Variants in TP53BP2 observed in about 807,000 individuals in gnomAD.
The protein encoded by TP53BP2 is apoptosis-stimulating of p53 protein 2.
A neutral mutation model predicts 126.2 loss-of-function variants in TP53BP2; 62 were observed. The observed-to-expected ratio is 0.49, with a 90% CI of 0.40 to 0.61. The LOEUF is 0.61. TP53BP2 is among the 20% of genes least tolerant of loss of function. The pLI, the probability that TP53BP2 is intolerant of heterozygous loss-of-function variation, is 0.00. For synonymous variants in TP53BP2, 485 were observed against 502.9 expected (o/e 0.96, Z 0.48); for missense variants, 1,215 against 1,402.8 (o/e 0.87, Z 2.14).
intron 7 of TP53BP2, 148 bp downstream of exon 7, chr1:223,803,123 C>T: frequency 9.5e-7 from 1 of 1,049,310 alleles, no homozygotes; most frequent in Middle Eastern, 3.2e-4. Flanking sequence ...AAAGTTTACT[C>T]TGGATTCTCT....
Position 223,845,712 on chromosome 1 carries a change from G to T in TP53BP2, c.-32C>A. The T allele has an allele frequency of 6.6e-7, 1 of 1,524,490 alleles. No homozygotes were observed. 94.4% of individuals were successfully genotyped at this position (1,524,490 alleles called of 1,614,324 possible). On this transcript the variant is annotated 5_prime_UTR_variant, in exon 1 of 18. Coordinates refer to ENST00000343537, the MANE Select transcript of TP53BP2 (RefSeq NM_001031685.3). ...GGGTGGCCAGACTGCGGCCCCGGCCGAGCTGAGGTGCCCCGGAGGGTCGCG... is the reference window on the plus strand; with the variant it reads ...GGGTGGCCAGACTGCGGCCCCGGCCTAGCTGAGGTGCCCCGGAGGGTCGCG...
chr1:223,821,776 G>A (rs143388663), intron 1 of TP53BP2, among the ~76,000 whole-genome samples: 11 of 152,276 alleles, frequency 7.2e-5, no homozygotes, highest in African/African-American at 1.4e-4. Flanking sequence ...GGAAGGACAC[G>A]TAAGAATGTA....
At chr1:223,781,837 A>C (rs749589181) in intron 17 of TP53BP2, among the ~76,000 whole-genome samples, 7 of 152,184 alleles carry the variant, frequency 4.6e-5, no homozygotes, top group African/African-American at 7.2e-5. Flanking sequence ...AAACCAAAAA[A>C]GTGGTGTAGA....
At position 223,802,260 on chromosome 1, in the gene TP53BP2, T is replaced by TAGAC; in HGVS notation, c.1077_1080dup (p.Thr361ValfsTer11). On this transcript the variant is annotated frameshift_variant, in exon 9 of 18. Coordinates refer to ENST00000343537, the MANE Select transcript of TP53BP2 (RefSeq NM_001031685.3). LOFTEE classifies it high-confidence loss of function. ...GGCCTTGAGGGCATCCGAGGCATAG[T>TAGAC]AGACGACTGGATATAGGGACCTACT... 6.2e-7 allele frequency: 1 copy of TAGAC among 1,614,220 alleles called. No homozygotes were observed. Among genetic ancestry groups the TAGAC allele is most frequent in the Non-Finnish European group, 8.5e-7 (1 of 1,180,040 alleles).
intron 1 of TP53BP2, among the ~76,000 whole-genome samples, chr1:223,829,858 A>G (rs1663636961): frequency 6.6e-6 from 1 of 152,076 alleles, no homozygotes; most frequent in African/African-American, 2.4e-5. Flanking sequence ...TTTCTTCCCC[A>G]GGTAGAAAAA....
Position 223,786,582 on chromosome 1 carries a change from G to A in TP53BP2, c.3164-2268C>T, listed in dbSNP as rs1675992. Among the ~76,000 whole-genome samples, 73 of 50,298 alleles carry A rather than the reference G, an allele frequency of 1.5e-3. 1 individual carries two copies. Among genetic ancestry groups the A allele is most frequent in the East Asian group, 6.4e-3 (11 of 1,706 alleles). 33.0% of individuals were successfully genotyped at this position (50,298 alleles called of 152,430 possible). The stretch of plus-strand genomic sequence containing the variant: ...TATATGTGTGTGTGTGCGTGTGTGC[G>A]TGTGTGTGTGTGTGTGTGTGTGTGT... On this transcript the variant is annotated intron_variant, in intron 16 of 17. Coordinates refer to ENST00000343537, the MANE Select transcript of TP53BP2 (RefSeq NM_001031685.3).
intron 5 of TP53BP2, among the ~76,000 whole-genome samples, 186 bp from the exon 6 acceptor site, chr1:223,804,534 G>A (rs374515155): frequency 4.6e-4 from 70 of 152,230 alleles, no homozygotes; most frequent in African/African-American, 1.6e-3. Context: ...AGATACTCCT[G>A]AGCCCACCCT....
intron 3 of TP53BP2, among the ~76,000 whole-genome samples, chr1:223,813,276 C>T (rs907300589): frequency 1.3e-5 from 2 of 152,152 alleles, no homozygotes; most frequent in Non-Finnish European, 1.5e-5. Context: ...CTAGCTTTCT[C>T]GTCTCCACTC....
chr1:223,792,461 G>A lies in TP53BP2; in HGVS notation c.2924C>T (p.Ala975Val). ...GAACTTAACGATTTCTGTGTGGCCT[G>A]CACACACAGCATTGTGAAGAGCCGT... ...GITALHNAVC[A>V]GHTEIVKFLV... is the part of the protein sequence containing the mutation. The change falls in exon 15 of 18, where the codon GCA becomes GTA. Residue 975 changes from alanine to valine, a missense_variant. Transcript: ENST00000343537. The A allele has an allele frequency of 6.2e-7, 1 of 1,613,928 alleles. No individual in the cohort carries two copies.
chr1:223,800,734 A>T lies in TP53BP2; in HGVS notation c.1302T>A (p.Ser434=). ...ADLFPSQGSA[S]VPQSTGNALD... Reference sequence around the variant, plus strand: ...GAGCATTCCCAGTGCTTTGAGGTACAGAAGCAGAGCCTTGGCTTGGGAAAA... The same window carrying T: ...GAGCATTCCCAGTGCTTTGAGGTACTGAAGCAGAGCCTTGGCTTGGGAAAA... The change falls in exon 10 of 18, where the codon TCT becomes TCA. Residue 434 remains serine (S), a synonymous_variant. Transcript: ENST00000343537. The T allele has an allele frequency of 6.2e-7, 1 of 1,609,416 alleles. No homozygotes were observed. The highest frequency in any genetic ancestry group is 1.3e-5 in the African/African-American group (1 of 74,620).
At chr1:223,845,249 G>T in intron 1 of TP53BP2, 1 of 985,120 alleles carries the variant, frequency 1.0e-6, no homozygotes, top group Admixed American at 6.1e-5. Flanking sequence ...TTCCAGTAAC[G>T]TATGTTTCAC....
chr1:223,844,531 T>C (rs1373548101), intron 1 of TP53BP2, among the ~76,000 whole-genome samples: 1 of 152,230 alleles, frequency 6.6e-6, no homozygotes, highest in Non-Finnish European at 1.5e-5. Flanking sequence ...AAACCTGATT[T>C]CATAACCAGG....
At chr1:223,841,305 T>A (rs1664097264) in intron 1 of TP53BP2, among the ~76,000 whole-genome samples, 1 of 150,630 alleles carries the variant, frequency 6.6e-6, no homozygotes, top group African/African-American at 2.5e-5. Context: ...AAATAGATTA[T>A]TTGTTTAACA....
chr1:223,782,160 TG>T (rs1661797646), intron 17 of TP53BP2, among the ~76,000 whole-genome samples: 1 of 152,154 alleles, frequency 6.6e-6, no homozygotes, highest in Admixed American at 6.5e-5. Flanking sequence ...ATGATGACCA[TG>T]TGAGATGATG....
intron 3 of TP53BP2, among the ~76,000 whole-genome samples, chr1:223,813,650 C>A (rs1414162922): frequency 6.6e-6 from 1 of 152,150 alleles, no homozygotes; most frequent in Non-Finnish European, 1.5e-5. Flanking sequence ...TTCTTCTCTT[C>A]TTACAACCCA....
At chr1:223,835,649 G>A (rs1199328800) in intron 1 of TP53BP2, among the ~76,000 whole-genome samples, 1 of 152,112 alleles carries the variant, frequency 6.6e-6, no homozygotes, top group Non-Finnish European at 1.5e-5. Flanking sequence ...TATGGAAGTA[G>A]AGGCAAGAAC....
At chr1:223,820,999 G>T in intron 2 of TP53BP2, 1 of 597,238 alleles carries the variant, frequency 1.7e-6, no homozygotes, top group Non-Finnish European at 2.9e-6. Flanking sequence ...ATGACCTTTT[G>T]TATTTTATAT....
chr1:223,791,776 C>G (rs1006643662), intron 15 of TP53BP2, among the ~76,000 whole-genome samples: 1 of 152,038 alleles, frequency 6.6e-6, no homozygotes, highest in Non-Finnish European at 1.5e-5. Flanking sequence ...TTAAAACTTT[C>G]TTTTTTAAAA....
At chr1:223,794,683 G>A (rs1045330956) in intron 13 of TP53BP2, among the ~76,000 whole-genome samples, 2 of 152,176 alleles carry the variant, frequency 1.3e-5, no homozygotes, top group African/African-American at 4.8e-5. Context: ...GGAATAAAAC[G>A]TCCTTCTTTT....
Sources: gnomAD v4.1 joint callset for allele counts (sites outside exome capture counted in the v4.1 genomes callset) on GRCh38, gnomAD v4.1.1 for gene constraint, MANE v1.5 for transcripts, NCBI Gene and HGNC (gene_info 2026-07-23, HGNC 2026-07-21) for gene names.